The following FANK1 variants were observed in gnomAD, a reference collection of about 807,000 sequenced individuals.
FANK1 encodes the protein fibronectin type III and ankyrin repeat domains 1, also known as fibronectin type 3 and ankyrin repeat domains protein 1.
In FANK1, 44 loss-of-function variants were observed where a neutral mutation model predicts 45.3. The observed-to-expected ratio is 0.97, with a 90% confidence interval of 0.76 to 1.25. The LOEUF is 1.25. FANK1 is among the 50% of genes most tolerant of loss of function. FANK1 has a pLI of 0.00. For missense variants in FANK1, 391 were observed against 424.4 expected, an observed-to-expected ratio of 0.92 and a Z score of 0.69; for synonymous variants, 149 against 152.5, an observed-to-expected ratio of 0.98 and a Z score of 0.17.
intron 1 of FANK1, among the ~76,000 whole-genome samples, chr10:125,951,239 A>T (rs559157806): frequency 2.7e-5 from 4 of 150,652 alleles, no homozygotes; most frequent in East Asian, 1.9e-4. Flanking sequence ...TAAAGTATAA[A>T]AAAAAAAAAA....
chr10:125,936,456 T>A, intron 1 of FANK1, among the ~76,000 whole-genome samples: 1 of 135,558 alleles, frequency 7.4e-6, no homozygotes, highest in Non-Finnish European at 1.6e-5. Flanking sequence ...AAAAAAAAAA[T>A]TGCCACAACC....
rs1448262510 is a variant in FANK1 at position 125,912,484 on chromosome 10, GTGTT to G, written c.13+15831_13+15834del. Among the ~76,000 whole-genome samples, 63 of 119,060 alleles carry G rather than the reference GTGTT, an allele frequency of 5.3e-4. 1 individual carries two copies. The highest frequency in any genetic ancestry group is 3.9e-3 in the East Asian group (15 of 3,808). 78.1% of individuals were successfully genotyped at this position (119,060 alleles called of 152,430 possible). ...TGTGTGTGTGTGTGTGTGTGTGTGT[GTGTT>G]TTTGAGATTAAAACTTTAGGGAAAG... On this transcript the variant is annotated intron_variant, in intron 1 of 10. Coordinates refer to ENST00000368693, the MANE Select transcript of FANK1 (RefSeq NM_145235.5).
At chr10:125,960,992 C>T (rs918371246) in intron 1 of FANK1, among the ~76,000 whole-genome samples, 4 of 152,292 alleles carry the variant, frequency 2.6e-5, no homozygotes, top group Non-Finnish European at 4.4e-5. Context: ...AAATATACTA[C>T]AAAGCTGTAG....
At chr10:125,920,890 T>C (rs1373316538) in intron 1 of FANK1, among the ~76,000 whole-genome samples, 1 of 152,396 alleles carries the variant, frequency 6.6e-6, no homozygotes, top group African/African-American at 2.4e-5. Context: ...TAACTAGTGT[T>C]CTTTTGTGGT....
chr10:125,930,848 A>G (rs568552360), intron 1 of FANK1, among the ~76,000 whole-genome samples: 91 of 152,182 alleles, frequency 6.0e-4, no homozygotes, highest in Non-Finnish European at 1.0e-3. Context: ...CCTATTTGTA[A>G]TATTTTATTC....
At chr10:125,969,012 C>T (rs930966587) in intron 1 of FANK1, among the ~76,000 whole-genome samples, 1 of 152,148 alleles carries the variant, frequency 6.6e-6, no homozygotes, top group Admixed American at 6.5e-5. Flanking sequence ...TAAGAACTTT[C>T]TTACAAAAAG....
chr10:126,001,444 A>G (rs945628441), intron 6 of FANK1, among the ~76,000 whole-genome samples: 1 of 149,440 alleles, frequency 6.7e-6, no homozygotes, highest in Non-Finnish European at 1.5e-5. Context: ...GTGTAGAGCT[A>G]GGAATGTGAC....
In FANK1 at chr10:125,922,642, G is replaced by T. The variant is rs538957100; in HGVS notation, c.13+25987G>T. On this transcript the variant is annotated intron_variant, in intron 1 of 10. Coordinates refer to ENST00000368693, the MANE Select transcript of FANK1 (RefSeq NM_145235.5). ...AGTGATCCTCCCACCTCAGCCTCCC[G>T]AATAGCTGGGTCTATAGGTGTGCTG... 3.3e-5 allele frequency among the ~76,000 whole-genome samples: 5 copies of T among 152,144 alleles called. No homozygotes were observed. In the South Asian group the frequency reaches 1.0e-3, roughly 31 times the overall value.
intron 1 of FANK1, among the ~76,000 whole-genome samples, chr10:125,940,241 C>G (rs536481615): frequency 6.6e-6 from 1 of 152,262 alleles, no homozygotes; most frequent in African/African-American, 2.4e-5. Context: ...GCACCGGTCT[C>G]TGAGTTTCCT....
At chr10:125,960,684 G>A (rs1949868581) in intron 1 of FANK1, among the ~76,000 whole-genome samples, 1 of 152,112 alleles carries the variant, frequency 6.6e-6, no homozygotes, top group Admixed American at 6.5e-5. Flanking sequence ...CCACCACCAT[G>A]CCCAGCTAAT....
rs1952418259 is a variant in FANK1, at chr10:125,997,400, CTTAAGT to C, written c.474-17_474-12del. 6.2e-7 allele frequency: 1 copy of C among 1,611,036 alleles called. No homozygotes were observed. The highest frequency in any genetic ancestry group is 1.3e-5 in the African/African-American group (1 of 74,856). ...GATCAAGGTGACTTATCTAGCTACA[CTTAAGT>C]TTGTTTCCTTTAGGCTTGTGAAAAT... On this transcript the variant is annotated splice_polypyrimidine_tract_variant and intron_variant, in intron 5 of 10. Coordinates refer to ENST00000368693, the MANE Select transcript of FANK1 (RefSeq NM_145235.5).
At chr10:125,985,759 G>A (rs966096395) in intron 2 of FANK1, among the ~76,000 whole-genome samples, 4 of 152,184 alleles carry the variant, frequency 2.6e-5, no homozygotes, top group Non-Finnish European at 5.9e-5. Context: ...GCCCCATGTG[G>A]TCTTGGCCGT....
rs116039913 is a variant in FANK1, at chr10:125,938,090, A to G, written c.13+41435A>G. Among the ~76,000 whole-genome samples, 156 of 152,342 alleles carry G rather than the reference A, an allele frequency of 1.0e-3. 1 individual carries two copies. Among genetic ancestry groups the G allele is most frequent in the African/African-American group, 3.6e-3 (150 of 41,576 alleles). On this transcript the variant is annotated intron_variant, in intron 1 of 10. Coordinates refer to ENST00000368693, the MANE Select transcript of FANK1 (RefSeq NM_145235.5). The stretch of plus-strand genomic sequence containing the variant: ...TATATATTCTAAAGACACAGACCGT[A>G]AAGGCCTACTGAACATTACTCAGTC...
chr10:125,970,818 G>T (rs1290322237), intron 1 of FANK1, among the ~76,000 whole-genome samples: 1 of 152,180 alleles, frequency 6.6e-6, no homozygotes, highest in African/African-American at 2.4e-5. Flanking sequence ...AGATGGAGAC[G>T]AGGGAGAGGG....
At position 126,004,975 on chromosome 10, in the gene FANK1, T is replaced by G. The variant is rs754627902; in HGVS notation, c.631T>G (p.Cys211Gly). The G allele has an allele frequency of 6.2e-7, 1 of 1,614,216 alleles. No homozygotes were observed. Among genetic ancestry groups the G allele is most frequent in the South Asian group, 1.1e-5 (1 of 91,082 alleles). ...ASWQARDLGG[C>G]TALHWAADGG... ...TTGGCAGGCTAGAGACCTGGGAGGC[T>G]GTACAGCTCTGCACTGGGCTGCAGA... Residue 211 changes from cysteine (C) to glycine (G), a missense_variant, in exon 7 of 11, where the codon TGT becomes GGT. Cys to Gly is a radical substitution (Grantham distance 159). Coordinates refer to ENST00000368693, the MANE Select transcript of FANK1 (RefSeq NM_145235.5).
intron 1 of FANK1, among the ~76,000 whole-genome samples, chr10:125,963,734 G>A (rs1275345956): frequency 2.0e-5 from 3 of 152,056 alleles, no homozygotes; most frequent in African/African-American, 7.2e-5. Context: ...CACACCCTGG[G>A]GCCTGTCATG....
chr10:125,912,443 AGTGTGTGTGTGTGTGTGTGTGT>A (rs60956003), intron 1 of FANK1, among the ~76,000 whole-genome samples: 6,121 of 147,172 alleles, frequency 0.042, 173 homozygotes, highest in African/African-American at 0.083. Context: ...GCACCACCAA[AGTGTGTGTGTGTGTGTGTGTGT>A]GTGTGTGTGT....
intron 1 of FANK1, among the ~76,000 whole-genome samples, chr10:125,970,684 C>G (rs753131052): frequency 6.6e-6 from 1 of 152,172 alleles, no homozygotes; most frequent in Non-Finnish European, 1.5e-5. Flanking sequence ...CGTGACAGCG[C>G]GCGCCTGCAA....
intron 3 of FANK1, among the ~76,000 whole-genome samples, chr10:125,989,107 G>A (rs2277217): frequency 0.35 from 52,702 of 152,118 alleles, 9,793 homozygotes; most frequent in South Asian, 0.45. Flanking sequence ...ACACAAACCC[G>A]ATTCCTGGGG....
Sources: allele counts gnomAD v4.1 joint callset (sites outside exome capture counted in the v4.1 genomes callset), GRCh38; gene constraint gnomAD v4.1.1; transcripts MANE v1.5; gene names NCBI Gene and HGNC (gene_info 2026-07-23, HGNC 2026-07-21).